XRCC5: variants seen among roughly 807,000 people sequenced by gnomAD.
XRCC5 encodes the protein X-ray repair cross complementing 5.
In XRCC5, 12 loss-of-function variants were observed where a neutral mutation model predicts 95.7. The ratio of observed to expected loss-of-function variants is 0.13; its 90% CI spans 0.08 to 0.20. The LOEUF (loss-of-function observed/expected upper bound fraction) is 0.20, where lower values mean the gene tolerates loss of function less well. XRCC5 is among the 10% of genes least tolerant of loss of function. The pLI, the probability that XRCC5 is intolerant of heterozygous loss-of-function variation, is 1.00. For synonymous variants in XRCC5, 281 were observed against 290.3 expected (o/e 0.97, Z 0.33); for missense variants, 595 against 873.9 (o/e 0.68, Z 4.02).
chr2:216,120,528 T>TA (rs1323522144), intron 5 of XRCC5, among the ~76,000 whole-genome samples: 2 of 152,156 alleles, frequency 1.3e-5, no homozygotes, highest in East Asian at 1.9e-4. Flanking sequence ...GTAATTGGAC[T>TA]AAAAAAATAC....
intron 12 of XRCC5, among the ~76,000 whole-genome samples, chr2:216,140,093 G>A (rs1006938921): frequency 6.6e-6 from 1 of 152,188 alleles, no homozygotes; most frequent in African/African-American, 2.4e-5. Flanking sequence ...ACCTGTTGCT[G>A]GGAGGGCCTT....
intron 14 of XRCC5, among the ~76,000 whole-genome samples, chr2:216,150,410 C>T (rs569756850): frequency 1.3e-5 from 2 of 152,256 alleles, no homozygotes; most frequent in African/African-American, 4.8e-5. Context: ...CTTCACTTAA[C>T]GACAGGGATA....
intron 16 of XRCC5, among the ~76,000 whole-genome samples, chr2:216,187,987 G>T (rs527890733): frequency 6.6e-6 from 1 of 151,502 alleles, no homozygotes; most frequent in Admixed American, 6.6e-5. Flanking sequence ...AAGGAGCCAC[G>T]CTGTACCCCT....
chr2:216,127,605 C>T lies in XRCC5; in HGVS notation c.868C>T (p.Gln290Ter). The T allele has an allele frequency of 6.2e-7, 1 of 1,611,816 alleles. No individual in the cohort carries two copies. The change falls in exon 8 of 21, where the codon CAA becomes TAA. Residue 290 changes from glutamine to a stop codon, truncating the protein, a stop_gained. Transcript: ENST00000392132. LOFTEE classifies it high-confidence loss of function. ...AAAAACCCTAAAAAAAGAAGATATA[C>T]AAAAAGAAACAGTTTATTGCTTAAA... is the stretch of plus-strand genomic sequence containing the variant. ...DAKTLKKEDI[Q>*]KETVYCLNDD...
At chr2:216,193,732 G>C (rs1376569020) in intron 18 of XRCC5, among the ~76,000 whole-genome samples, 3 of 152,164 alleles carry the variant, frequency 2.0e-5, no homozygotes, top group Non-Finnish European at 2.9e-5. Flanking sequence ...GAAACTTACA[G>C]GTCATATGCA....
At chr2:216,182,725 T>G (rs1689412826) in intron 16 of XRCC5, among the ~76,000 whole-genome samples, 1 of 152,222 alleles carries the variant, frequency 6.6e-6, no homozygotes, top group South Asian at 2.1e-4. Context: ...TATTCTACTT[T>G]AAGTGTACTC....
At chr2:216,199,668 G>A (rs1689796922) in intron 19 of XRCC5, among the ~76,000 whole-genome samples, 1 of 152,140 alleles carries the variant, frequency 6.6e-6, no homozygotes, top group Non-Finnish European at 1.5e-5. Context: ...TGTAGTGGGT[G>A]GAAGAGGTAA....
chr2:216,181,035 A>G (rs1423412762), intron 16 of XRCC5, among the ~76,000 whole-genome samples: 1 of 151,426 alleles, frequency 6.6e-6, no homozygotes, highest in East Asian at 1.9e-4. Flanking sequence ...CTGGTCTCGA[A>G]CTCCCGACCT....
intron 16 of XRCC5, among the ~76,000 whole-genome samples, chr2:216,170,033 G>A (rs1015769141): frequency 1.5e-5 from 1 of 67,794 alleles, no homozygotes; most frequent in East Asian, 4.5e-4. Context: ...GCAAGACTGT[G>A]TCTCAAAAAA....
chr2:216,200,183 T>G (rs1689810103), intron 19 of XRCC5, among the ~76,000 whole-genome samples: 2 of 152,132 alleles, frequency 1.3e-5, no homozygotes, highest in African/African-American at 4.8e-5. Flanking sequence ...TCTTCACGCC[T>G]TCACCTTATA....
chr2:216,189,663 A>T (rs565441097), intron 16 of XRCC5, among the ~76,000 whole-genome samples: 20 of 152,344 alleles, frequency 1.3e-4, no homozygotes, highest in African/African-American at 4.1e-4. Flanking sequence ...CATAAGGTAG[A>T]TAGCAATGAT....
intron 19 of XRCC5, among the ~76,000 whole-genome samples, chr2:216,197,786 C>T (rs1390733465): frequency 6.6e-6 from 1 of 152,108 alleles, no homozygotes; most frequent in African/African-American, 2.4e-5. Context: ...ATTCACCTAG[C>T]AGACTCTTTC....
chr2:216,201,169 A>G (rs1337510901), intron 19 of XRCC5, among the ~76,000 whole-genome samples: 1 of 152,242 alleles, frequency 6.6e-6, no homozygotes, highest in African/African-American at 2.4e-5. Flanking sequence ...ACTAGGCTGC[A>G]GGATTTCCCT....
chr2:216,140,169 A>G (rs923842999), intron 12 of XRCC5, among the ~76,000 whole-genome samples: 1 of 152,260 alleles, frequency 6.6e-6, no homozygotes, highest in Non-Finnish European at 1.5e-5. Context: ...TTCACCATGA[A>G]AAGTCCATAA....
At chr2:216,151,655 C>T (rs758002315) in intron 14 of XRCC5, among the ~76,000 whole-genome samples, 2 of 152,138 alleles carry the variant, frequency 1.3e-5, no homozygotes, top group East Asian at 1.9e-4. Flanking sequence ...GGGGTTAATG[C>T]GAGCAGTGTA....
intron 8 of XRCC5, 30 bp from the exon 9 acceptor site, chr2:216,130,845 C>G (rs766428326): frequency 6.6e-7 from 1 of 1,520,536 alleles, no homozygotes; most frequent in South Asian, 1.2e-5. Flanking sequence ...GCCCCATATG[C>G]TTAACAGATG....
intron 12 of XRCC5, among the ~76,000 whole-genome samples, chr2:216,139,031 C>G (rs1697133422): frequency 6.6e-6 from 1 of 152,096 alleles, no homozygotes; most frequent in Non-Finnish European, 1.5e-5. Context: ...AGAAATGAGT[C>G]TGTCTGCATC....
intron 2 of XRCC5, among the ~76,000 whole-genome samples, chr2:216,115,394 T>A (rs1339229029): frequency 6.6e-6 from 1 of 152,152 alleles, no homozygotes; most frequent in Non-Finnish European, 1.5e-5. Flanking sequence ...CTCCCATGAC[T>A]GAGATTTTGT....
At chr2:216,135,582 GA>G (rs1316022328) in intron 10 of XRCC5, among the ~76,000 whole-genome samples, 1 of 152,138 alleles carries the variant, frequency 6.6e-6, no homozygotes, top group Non-Finnish European at 1.5e-5. Context: ...TGGATCACTT[GA>G]GGTCAGGAGT....
Sources: gnomAD v4.1 joint callset for allele counts (sites outside exome capture counted in the v4.1 genomes callset) on GRCh38, gnomAD v4.1.1 for gene constraint, MANE v1.5 for transcripts, NCBI Gene and HGNC (gene_info 2026-07-23, HGNC 2026-07-21) for gene names.